Variants in MAN1C1 observed in about 807,000 individuals in gnomAD.
The protein encoded by MAN1C1 is mannosyl-oligosaccharide 1,2-alpha-mannosidase IC.
In MAN1C1, 49 loss-of-function variants were observed where a neutral mutation model predicts 71.5. The observed-to-expected ratio is 0.69, with a 90% CI of 0.54 to 0.87. The LOEUF is 0.87. Among genes scored for constraint, MAN1C1 ranks in the 40% least tolerant of loss-of-function variants. The probability of loss-of-function intolerance (pLI) is 0.00; values close to 1 mark genes in which losing one functional copy is unlikely to be tolerated. For synonymous variants in MAN1C1, 352 were observed against 343.7 expected, an observed-to-expected ratio of 1.02 and a Z score of -0.27; for missense variants, 743 against 835.0, an observed-to-expected ratio of 0.89 and a Z score of 1.36.
At chr1:25,726,264 C>A (rs1173567405) in intron 2 of MAN1C1, among the ~76,000 whole-genome samples, 3 of 152,194 alleles carry the variant, frequency 2.0e-5, no homozygotes, top group African/African-American at 7.2e-5. Context: ...AGGACCACCA[C>A]GACCACGGTC....
At chr1:25,680,579 G>C (rs2046137882) in intron 1 of MAN1C1, among the ~76,000 whole-genome samples, 1 of 152,190 alleles carries the variant, frequency 6.6e-6, no homozygotes, top group Non-Finnish European at 1.5e-5. Flanking sequence ...TAGCATTTGT[G>C]CATCTGGCAT....
chr1:25,681,973 A>G (rs1370923884), intron 1 of MAN1C1, among the ~76,000 whole-genome samples: 1 of 151,762 alleles, frequency 6.6e-6, no homozygotes, highest in African/African-American at 2.4e-5. Context: ...AAAGCAATTT[A>G]TTTTTCTGTA....
At chr1:25,623,457 G>T (rs369872011) in intron 1 of MAN1C1, among the ~76,000 whole-genome samples, 2,430 of 113,332 alleles carry the variant, frequency 0.021, 28 homozygotes, top group African/African-American at 0.055. Context: ...GTGGTGGTGG[G>T]GGGGGGTAAG....
At chr1:25,716,225 G>C (rs989276262) in intron 2 of MAN1C1, among the ~76,000 whole-genome samples, 2 of 152,164 alleles carry the variant, frequency 1.3e-5, no homozygotes, top group Non-Finnish European at 2.9e-5. Flanking sequence ...TGTTGCTTCT[G>C]TTTCTATGGA....
intron 1 of MAN1C1, among the ~76,000 whole-genome samples, chr1:25,619,197 G>GT (rs2045166721): frequency 6.6e-6 from 1 of 152,190 alleles, no homozygotes; most frequent in Admixed American, 6.5e-5. Flanking sequence ...AACTGCCTGC[G>GT]TGCGGATGGT....
intron 1 of MAN1C1, among the ~76,000 whole-genome samples, chr1:25,632,865 A>ATT (rs33924292): frequency 4.6e-4 from 52 of 113,084 alleles, no homozygotes; most frequent in Middle Eastern, 4.6e-3. Flanking sequence ...TACAATTTTG[A>ATT]TTTTTTTTTT....
chr1:25,679,502 G>C (rs2046115942), intron 1 of MAN1C1, among the ~76,000 whole-genome samples: 2 of 150,092 alleles, frequency 1.3e-5, no homozygotes, highest in Admixed American at 1.3e-4. Context: ...ATAGAATTGT[G>C]TAATGTATAA....
At chr1:25,645,155 T>C (rs12728258) in intron 1 of MAN1C1, 29,723 of 152,338 alleles carry the variant, frequency 0.2, 3,224 homozygotes, top group East Asian at 0.37. Context: ...GCGTCTTCAC[T>C]GGCTGCAGGC....
intron 2 of MAN1C1, among the ~76,000 whole-genome samples, chr1:25,727,666 G>C (rs954132356): frequency 6.6e-6 from 1 of 152,248 alleles, no homozygotes; most frequent in Admixed American, 6.5e-5. Context: ...GTGTTGCTCA[G>C]GCCTTCCCCA....
rs78809497 is a variant in MAN1C1 at position 25,718,027 on chromosome 1, T to C, written c.638-28641T>C. On this transcript the variant is annotated intron_variant, in intron 2 of 11. Transcript: ENST00000374332. Reference sequence around the variant, plus strand: ...ACACACACACACACACACACACACATAGCCATTCCCCCATTCTTTCCATTA... The same window carrying C: ...ACACACACACACACACACACACACACAGCCATTCCCCCATTCTTTCCATTA... Among the ~76,000 whole-genome samples the C allele has an allele frequency of 1.2e-3, 168 of 138,888 alleles. 2 individuals carry two copies. The highest frequency in any genetic ancestry group is 4.6e-3 in the African/African-American group (151 of 33,052). The allele number at this position is 138,888 out of a possible 152,430, so 91.1% of individuals were successfully genotyped here.
intron 1 of MAN1C1, among the ~76,000 whole-genome samples, chr1:25,641,457 G>A (rs1051869161): frequency 3.3e-5 from 5 of 152,238 alleles, no homozygotes; most frequent in African/African-American, 1.2e-4. Flanking sequence ...GAATGGAAGA[G>A]CGTAGAAACT....
intron 6 of MAN1C1, chr1:25,759,995 A>G (rs2047340260): frequency 6.6e-6 from 1 of 152,150 alleles, no homozygotes; most frequent in South Asian, 2.1e-4. Context: ...ACTTCCTGGT[A>G]GCTCTTATTT....
At position 25,746,824 on chromosome 1, in the gene MAN1C1, A is replaced by G. The variant is rs1214584425; in HGVS notation, c.753+41A>G. 7.8e-7 allele frequency: 1 copy of G among 1,283,038 alleles called. No individual in the cohort carries two copies. The highest frequency in any genetic ancestry group is 2.4e-5 in the East Asian group (1 of 42,110). The allele number at this position is 1,283,038 out of a possible 1,614,324, so 79.5% of individuals were successfully genotyped here. A position where few individuals can be genotyped will look rare whatever the true frequency, so the allele number is the denominator to read the frequency against. On this transcript the variant is annotated intron_variant, in intron 3 of 11. Coordinates refer to ENST00000374332, the MANE Select transcript of MAN1C1 (RefSeq NM_020379.4). This position sits in a 1 kb window ranked among gnomAD's most constrained non-coding sequence, Gnocchi z 4.0. ...TCGGCGGGGGAGGGGGGCGGGGGCC[A>G]GAAGAGGCCCAACAGCCAGCTTCAC... is the stretch of plus-strand genomic sequence containing the variant.
intron 11 of MAN1C1, among the ~76,000 whole-genome samples, chr1:25,783,100 C>G (rs1181656977): frequency 6.6e-6 from 1 of 152,158 alleles, no homozygotes; most frequent in Non-Finnish European, 1.5e-5. Context: ...GTGCCCTCCT[C>G]GATTTCATGC....
rs1283794700 is a variant in MAN1C1, at chr1:25,668,563, T to TTTC, written c.541-17875_541-17874insCTT. ...GCCTTCTACTTTTCTTTCTTTCTTT[T>TTTC]TTTTTTTTTTGAGACGGAGTCTTGC... On this transcript the variant is annotated intron_variant, in intron 1 of 11. Coordinates refer to ENST00000374332, the MANE Select transcript of MAN1C1 (RefSeq NM_020379.4). 4.7e-3 allele frequency among the ~76,000 whole-genome samples: 386 copies of TTTC among 82,884 alleles called. 1 individual carries two copies. The highest frequency in any genetic ancestry group is 0.038 in the African/African-American group (328 of 8,630). The allele number at this position is 82,884 out of a possible 152,430, so 54.4% of individuals were successfully genotyped here.
chr1:25,631,610 G>A lies in MAN1C1; in HGVS notation c.540+13273G>A, dbSNP rs1402731864. Among the ~76,000 whole-genome samples, 1 of 152,124 alleles carries A rather than the reference G, an allele frequency of 6.6e-6. No individual in the cohort carries two copies. Among genetic ancestry groups the A allele is most frequent in the Non-Finnish European group, 1.5e-5 (1 of 68,028 alleles). Reference sequence around the variant, plus strand: ...GCTATGAAACCCACTTGATCATGGTGTATTACATTTTTGATGTGCTGTTGG... The same window carrying A: ...GCTATGAAACCCACTTGATCATGGTATATTACATTTTTGATGTGCTGTTGG... On this transcript the variant is annotated intron_variant, in intron 1 of 11. Transcript: ENST00000374332. This position sits in a 1 kb window ranked among gnomAD's most constrained non-coding sequence, Gnocchi z 4.2.
rs1254868304 is a variant in MAN1C1 at position 25,776,264 on chromosome 1, C to A, written c.1258-1841C>A. On this transcript the variant is annotated intron_variant, in intron 8 of 11. Coordinates refer to ENST00000374332, the MANE Select transcript of MAN1C1 (RefSeq NM_020379.4). The surrounding 1 kb of genome is among the most constrained non-coding windows in gnomAD (Gnocchi z 4.3). Reference sequence around the variant, plus strand: ...TCAAAATGCTGATCACAAATTGTACCTCTCAGCCAGTTGTGGTGGCTCACG... The same window carrying A: ...TCAAAATGCTGATCACAAATTGTACATCTCAGCCAGTTGTGGTGGCTCACG... 2.6e-5 allele frequency among the ~76,000 whole-genome samples: 4 copies of A among 152,118 alleles called. No individual in the cohort carries two copies. Among genetic ancestry groups the A allele is most frequent in the Non-Finnish European group, 5.9e-5 (4 of 68,010 alleles).
chr1:25,762,122 CTTTTCTTT>C (rs1557797235), intron 6 of MAN1C1, among the ~76,000 whole-genome samples: 5 of 121,402 alleles, frequency 4.1e-5, no homozygotes, highest in Non-Finnish European at 6.6e-5. Flanking sequence ...CTTTTCTTTT[CTTTTCTTT>C]TTTTTTTTTT....
chr1:25,717,688 C>T (rs943593464), intron 2 of MAN1C1, among the ~76,000 whole-genome samples: 3 of 151,578 alleles, frequency 2.0e-5, no homozygotes, highest in Non-Finnish European at 4.4e-5. Flanking sequence ...CGATTCTCCT[C>T]CTGAGTAGCT....
Sources: allele counts gnomAD v4.1 joint callset (sites outside exome capture counted in the v4.1 genomes callset), GRCh38; gene constraint gnomAD v4.1.1; non-coding constraint Gnocchi (gnomAD v3.1); transcripts MANE v1.5; gene names NCBI Gene and HGNC (gene_info 2026-07-23, HGNC 2026-07-21).